Variants in SNX29 observed in about 807,000 individuals in gnomAD.
SNX29 encodes sorting nexin 29.
In SNX29, 78 loss-of-function variants were observed where a neutral mutation model predicts 102.1. That is an observed-to-expected ratio of 0.76 (90% CI 0.64 to 0.92). The LOEUF is 0.92. Among genes scored for constraint, SNX29 ranks in the 40% least tolerant of loss-of-function variants. The probability of loss-of-function intolerance (pLI) is 0.00; values close to 1 mark genes in which losing one functional copy is unlikely to be tolerated. For synonymous variants in SNX29, 580 were observed against 414.5 expected, an observed-to-expected ratio of 1.40 and a Z score of -4.85; for missense variants, 1,280 against 1,061.7, an observed-to-expected ratio of 1.21 and a Z score of -2.86.
Position 12,477,189 on chromosome 16 carries a change from C to T in SNX29, c.2038-530C>T, listed in dbSNP as rs566851207. Among the ~76,000 whole-genome samples the T allele has an allele frequency of 4.5e-4, 69 of 152,298 alleles. No homozygotes were observed. The South Asian group carries it at 0.011, about 25-fold the overall frequency. ...GCTTATCCCATCTGGACACGGCATT[C>T]GGTCTAGTGGGGCAGATCTCAGCTC... On this transcript the variant is annotated intron_variant, in intron 18 of 20. Coordinates refer to ENST00000566228, the MANE Select transcript of SNX29 (RefSeq NM_032167.5).
chr16:12,402,506 T>C (rs779170632), intron 17 of SNX29, among the ~76,000 whole-genome samples: 1 of 152,238 alleles, frequency 6.6e-6, no homozygotes, highest in Non-Finnish European at 1.5e-5. Flanking sequence ...CAGCACCGTT[T>C]TGATAATTAT....
chr16:12,055,060 G>A (rs1299182481), intron 8 of SNX29, among the ~76,000 whole-genome samples: 3 of 152,110 alleles, frequency 2.0e-5, no homozygotes, highest in Non-Finnish European at 4.4e-5. Context: ...GTGACCTGCT[G>A]TGTTATTCAG....
In SNX29 at chr16:12,076,906, CAGTT is replaced by C. The variant is rs1347952397; in HGVS notation, c.1320-1922_1320-1919del. 8.5e-5 allele frequency among the ~76,000 whole-genome samples: 13 copies of C among 152,282 alleles called. No individual in the cohort carries two copies. In the South Asian group the frequency reaches 1.7e-3, roughly 19 times the overall value. ...GACATTGCTTGTAGGAAGCTTGTCG[CAGTT>C]AGTTCAGTGTCAGAAGGAATTGGTG... is the stretch of plus-strand genomic sequence containing the variant. On this transcript the variant is annotated intron_variant, in intron 10 of 20. Coordinates refer to ENST00000566228, the MANE Select transcript of SNX29 (RefSeq NM_032167.5).
intron 11 of SNX29, among the ~76,000 whole-genome samples, chr16:12,116,786 A>G (rs1441103205): frequency 6.6e-6 from 1 of 152,232 alleles, no homozygotes; most frequent in African/African-American, 2.4e-5. Context: ...GGCTTAGTCA[A>G]TACCTGCTTC....
intron 18 of SNX29, among the ~76,000 whole-genome samples, chr16:12,404,811 G>T (rs2084097252): frequency 6.6e-6 from 1 of 152,114 alleles, no homozygotes; most frequent in South Asian, 2.1e-4. Context: ...GAAATACCTG[G>T]CCTGCAGTAG....
chr16:12,020,785 A>G (rs2056996589), intron 3 of SNX29, among the ~76,000 whole-genome samples: 1 of 151,756 alleles, frequency 6.6e-6, no homozygotes, highest in African/African-American at 2.4e-5. Context: ...CACCATGCTC[A>G]GCTAATTTTT....
intron 3 of SNX29, among the ~76,000 whole-genome samples, chr16:12,012,942 A>G (rs2056701310): frequency 6.6e-6 from 1 of 151,916 alleles, no homozygotes; most frequent in Admixed American, 6.6e-5. Flanking sequence ...GAAAAAAGAA[A>G]GAAAATGACA....
chr16:12,547,580 G>A (rs749696033), intron 20 of SNX29, among the ~76,000 whole-genome samples: 1 of 151,964 alleles, frequency 6.6e-6, no homozygotes, highest in Non-Finnish European at 1.5e-5. Context: ...TCCCTCACGA[G>A]GATTAAATAC....
At chr16:12,208,211 G>T (rs2077094239) in intron 14 of SNX29, among the ~76,000 whole-genome samples, 1 of 152,216 alleles carries the variant, frequency 6.6e-6, no homozygotes, top group African/African-American at 2.4e-5. Flanking sequence ...CCTGGGTGCG[G>T]AGGGTCTCGG....
intron 20 of SNX29, chr16:12,557,442 A>T (rs187499995): frequency 2.6e-5 from 4 of 151,886 alleles, no homozygotes; most frequent in African/African-American, 9.7e-5. Flanking sequence ...GCTCACTGCA[A>T]CCTCCTCCTC....
At chr16:12,394,942 C>T (rs557948563) in intron 16 of SNX29, among the ~76,000 whole-genome samples, 2 of 152,232 alleles carry the variant, frequency 1.3e-5, no homozygotes, top group East Asian at 1.9e-4. Flanking sequence ...TTGCACACCC[C>T]TCAGGACTAG....
At chr16:12,293,750 C>CT (rs1234827179) in intron 15 of SNX29, among the ~76,000 whole-genome samples, 1 of 152,176 alleles carries the variant, frequency 6.6e-6, no homozygotes, top group African/African-American at 2.4e-5. Context: ...TACAAAGGAT[C>CT]TTTTTTATCA....
At position 12,111,484 on chromosome 16, in the gene SNX29, C is replaced by G. The variant is rs143535521; in HGVS notation, c.1403-15149C>G. On this transcript the variant is annotated intron_variant, in intron 11 of 20. Transcript: ENST00000566228. The stretch of plus-strand genomic sequence containing the variant: ...AGACTTGAGGCAGGCTCCTCCTTCC[C>G]TCCCTGCGCAGGAGTCCACTTAGCA... Among the ~76,000 whole-genome samples, 4 of 152,314 alleles carry G rather than the reference C, an allele frequency of 2.6e-5. No homozygotes were observed. In the East Asian group the frequency reaches 7.7e-4, roughly 29 times the overall value.
At chr16:12,123,254 C>T (rs998297563) in intron 11 of SNX29, among the ~76,000 whole-genome samples, 33 of 152,238 alleles carry the variant, frequency 2.2e-4, no homozygotes, top group Non-Finnish European at 4.4e-4. Context: ...GCCACCTCCC[C>T]GAGTGAACAT....
intron 11 of SNX29, among the ~76,000 whole-genome samples, chr16:12,097,151 T>G (rs1353067279): frequency 6.6e-6 from 1 of 152,230 alleles, no homozygotes; most frequent in Non-Finnish European, 1.5e-5. Context: ...TTGGTGATGG[T>G]GCTGCCGAGT....
chr16:12,093,160 C>T (rs779611953), intron 11 of SNX29, among the ~76,000 whole-genome samples: 5 of 152,194 alleles, frequency 3.3e-5, no homozygotes, highest in Non-Finnish European at 7.3e-5. Context: ...CACTGTATAT[C>T]ATCAGAGCCA....
rs150407496 is a variant in SNX29, at chr16:12,560,021, A to G, written c.2319-8485A>G. 6.2e-4 allele frequency among the ~76,000 whole-genome samples: 94 copies of G among 152,320 alleles called. 1 individual carries two copies. Among genetic ancestry groups the G allele is most frequent in the African/African-American group, 2.1e-3 (89 of 41,556 alleles). ...AGCAACTTCACTTACATTTTGGAAG[A>G]CTTAGTATGACAAATACACAAAGAA... On this transcript the variant is annotated intron_variant, in intron 20 of 20. Coordinates refer to ENST00000566228, the MANE Select transcript of SNX29 (RefSeq NM_032167.5).
chr16:12,216,075 T>C (rs1187922898), intron 14 of SNX29, among the ~76,000 whole-genome samples: 1 of 152,252 alleles, frequency 6.6e-6, no homozygotes, highest in African/African-American at 2.4e-5. Flanking sequence ...TGCCTTAAAT[T>C]GTTTCTCAAC....
At chr16:12,554,948 G>A (rs1035785526) in intron 20 of SNX29, among the ~76,000 whole-genome samples, 1 of 150,548 alleles carries the variant, frequency 6.6e-6, no homozygotes, top group Admixed American at 6.6e-5. Context: ...GGCCTCTGGA[G>A]AAAACAATGG....
Sources: allele counts gnomAD v4.1 joint callset (sites outside exome capture counted in the v4.1 genomes callset), GRCh38; gene constraint gnomAD v4.1.1; transcripts MANE v1.5; gene names NCBI Gene and HGNC (gene_info 2026-07-23, HGNC 2026-07-21).